The following CACNA1E variants were observed in gnomAD, a reference collection of about 807,000 sequenced individuals.
CACNA1E encodes voltage-dependent R-type calcium channel subunit alpha-1E.
CACNA1E carries 40 observed loss-of-function variants against 259.2 expected under a neutral mutation model. That is an observed-to-expected ratio of 0.15 (90% confidence interval 0.12 to 0.20). The LOEUF (loss-of-function observed/expected upper bound fraction) is 0.20. CACNA1E is among the 10% of genes least tolerant of loss of function. The pLI, the probability that CACNA1E is intolerant of heterozygous loss-of-function variation, is 1.00. For missense variants in CACNA1E, 1,874 were observed against 3,040.1 expected (o/e 0.62, Z 9.02); for synonymous variants, 1,104 against 1,138.5 (o/e 0.97, Z 0.61).
chr1:181,715,449 A>G, intron 9 of CACNA1E, 58 bp downstream of exon 9: 3 of 919,410 alleles, frequency 3.3e-6, no homozygotes, highest in Admixed American at 2.0e-5. Context: ...AGGCGATGGC[A>G]ATCTCTGTTA....
chr1:181,350,734 C>G (rs912695256), intron 1 of CACNA1E, among the ~76,000 whole-genome samples: 1 of 152,168 alleles, frequency 6.6e-6, no homozygotes, highest in East Asian at 1.9e-4. Context: ...ACTTGGAAAT[C>G]ATCAGAAATG....
intron 18 of CACNA1E, among the ~76,000 whole-genome samples, chr1:181,728,375 G>C (rs1403342278): frequency 6.6e-6 from 1 of 152,248 alleles, no homozygotes; most frequent in East Asian, 1.9e-4. Flanking sequence ...ATTGAGCAGA[G>C]TGTGCATCAG....
chr1:181,568,113 C>T (rs1572234504), intron 3 of CACNA1E, among the ~76,000 whole-genome samples: 1 of 152,162 alleles, frequency 6.6e-6, no homozygotes, highest in Non-Finnish European at 1.5e-5. Context: ...TCTGTTCTAA[C>T]TCAGGGGCCT....
chr1:181,719,787 A>G lies in CACNA1E; in HGVS notation c.1675A>G (p.Ile559Val). The G allele has an allele frequency of 6.2e-7, 1 of 1,605,516 alleles. No individual in the cohort carries two copies. Among genetic ancestry groups the G allele is most frequent in the Non-Finnish European group, 8.5e-7 (1 of 1,175,802 alleles). ...VGSIFEVVWA[I>V]FRPGTSFGIS... is the part of the protein sequence containing the mutation. Reference sequence around the variant, plus strand: ...CAGTATCTTTGAAGTGGTCTGGGCAATCTTCAGACCTGGTACGTCTTTTGG... The same window carrying G: ...CAGTATCTTTGAAGTGGTCTGGGCAGTCTTCAGACCTGGTACGTCTTTTGG... The change falls in exon 13 of 48, where the codon ATC becomes GTC. Residue 559 changes from isoleucine (I) to valine (V), a missense_variant. This residue lies in a region of CACNA1E where 102 missense variants were observed against 279.4 expected (regional missense o/e 0.37). Transcript: ENST00000367573.
At position 181,726,181 on chromosome 1, in the gene CACNA1E, TC is replaced by T; in HGVS notation, c.2240+20del. 6.4e-7 allele frequency: 1 copy of T among 1,574,116 alleles called. No homozygotes were observed. The highest frequency in any genetic ancestry group is 8.7e-7 in the Non-Finnish European group (1 of 1,147,942). ...CGATCGAGTGAGTCAGCTGCCCCCTTCACTGATCCCTGAGCTCCTGTGCTAA... is the reference window on the plus strand; with the variant it reads ...CGATCGAGTGAGTCAGCTGCCCCCTTACTGATCCCTGAGCTCCTGTGCTAA... On this transcript the variant is annotated intron_variant, in intron 18 of 47. Coordinates refer to ENST00000367573, the MANE Select transcript of CACNA1E (RefSeq NM_001205293.3).
chr1:181,496,852 T>C (rs1394496563), intron 1 of CACNA1E, among the ~76,000 whole-genome samples: 2 of 152,198 alleles, frequency 1.3e-5, no homozygotes, highest in Non-Finnish European at 2.9e-5. Context: ...TGTTTTTGCA[T>C]GGAAATTTGT....
Position 181,736,431 on chromosome 1 carries a change from A to C in CACNA1E, c.3419A>C (p.Asn1140Thr). ...HSSMFIFSTT[N>T]PIRRACHYIV... ...TCAATGTTCATCTTCAGCACCACCAACCCGTAAGCCACCCTCGCGTTGCTC... is the reference window on the plus strand; with the variant it reads ...TCAATGTTCATCTTCAGCACCACCACCCCGTAAGCCACCCTCGCGTTGCTC... The change falls in exon 22 of 48, where the codon AAC becomes ACC. Residue 1140 changes from asparagine to threonine, a missense_variant. Around this residue, in one of 14 missense-constraint regions of CACNA1E, gnomAD observed 56 missense variants for 97.4 expected, o/e 0.57. Coordinates refer to ENST00000367573, the MANE Select transcript of CACNA1E (RefSeq NM_001205293.3). 6.2e-7 allele frequency: 1 copy of C among 1,611,686 alleles called. No homozygotes were observed. The highest frequency in any genetic ancestry group is 8.5e-7 in the Non-Finnish European group (1 of 1,178,938).
intron 6 of CACNA1E, among the ~76,000 whole-genome samples, chr1:181,588,041 C>G (rs557914673): frequency 1.8e-4 from 28 of 152,320 alleles, no homozygotes; most frequent in Middle Eastern, 6.8e-3. Context: ...TCGCACTGCC[C>G]CCAGTGGAAG....
At chr1:181,599,114 A>C (rs1316737088) in intron 6 of CACNA1E, among the ~76,000 whole-genome samples, 16 of 136,706 alleles carry the variant, frequency 1.2e-4, no homozygotes, top group South Asian at 2.4e-4. Flanking sequence ...CCCCCTCCCC[A>C]CTCTTGCCCT....
At chr1:181,336,834 G>A (rs1407400526) in intron 1 of CACNA1E, among the ~76,000 whole-genome samples, 1 of 151,844 alleles carries the variant, frequency 6.6e-6, no homozygotes, top group African/African-American at 2.4e-5. Flanking sequence ...TTGTGCTTTT[G>A]TGATCAGCTT....
chr1:181,758,321 T>C lies in CACNA1E; in HGVS notation c.4494+210T>C, dbSNP rs1205232628. ...AATGCAGTGCAGACTATAGTAGCCA[T>C]CCAGGGGCTCCCAAGACCTGAGATG... is the stretch of plus-strand genomic sequence containing the variant. On this transcript the variant is annotated intron_variant, in intron 31 of 47. Coordinates refer to ENST00000367573, the MANE Select transcript of CACNA1E (RefSeq NM_001205293.3). This position sits in a 1 kb window ranked among gnomAD's most constrained non-coding sequence, Gnocchi z 4.2. 6.6e-6 allele frequency among the ~76,000 whole-genome samples: 1 copy of C among 152,146 alleles called. No individual in the cohort carries two copies. The highest frequency in any genetic ancestry group is 1.5e-5 in the Non-Finnish European group (1 of 68,012).
chr1:181,526,086 T>A (rs549531319), intron 3 of CACNA1E, among the ~76,000 whole-genome samples: 1 of 152,194 alleles, frequency 6.6e-6, no homozygotes, highest in East Asian at 1.9e-4. Context: ...AGGGGAAGAA[T>A]GGAAAGGAGA....
chr1:181,789,217 G>C (rs2102863342), intron 43 of CACNA1E, among the ~76,000 whole-genome samples: 1 of 152,304 alleles, frequency 6.6e-6, no homozygotes, highest in South Asian at 2.1e-4. Context: ...GTGGTTCTCA[G>C]GAGATGCCAC....
intron 2 of CACNA1E, among the ~76,000 whole-genome samples, chr1:181,449,686 T>C (rs1322171045): frequency 6.6e-6 from 1 of 152,250 alleles, no homozygotes; most frequent in African/African-American, 2.4e-5. Context: ...CTGGGGCTTC[T>C]TTCTGTTGCA....
chr1:181,391,189 T>C (rs897628380), intron 1 of CACNA1E, among the ~76,000 whole-genome samples: 13 of 152,334 alleles, frequency 8.5e-5, no homozygotes, highest in East Asian at 5.8e-4. Flanking sequence ...AAGCCTCACC[T>C]AAGGGTGGTT....
chr1:181,343,126 T>TG (rs1392881984), intron 1 of CACNA1E, among the ~76,000 whole-genome samples: 3 of 151,920 alleles, frequency 2.0e-5, no homozygotes, highest in Non-Finnish European at 1.5e-5. Flanking sequence ...TCCTGGAACT[T>TG]GGCTTGAGCA....
intron 1 of CACNA1E, among the ~76,000 whole-genome samples, chr1:181,338,360 C>T (rs1018572619): frequency 1.3e-5 from 2 of 152,178 alleles, no homozygotes; most frequent in Non-Finnish European, 2.9e-5. Flanking sequence ...GCTGGGATTA[C>T]AGGAGTGAGC....
At chr1:181,479,683 T>C (rs2102446941), upstream of CACNA1E, among the ~76,000 whole-genome samples, 1 of 152,318 alleles carries the variant, frequency 6.6e-6, no homozygotes, top group South Asian at 2.1e-4. Flanking sequence ...GCATAGCATT[T>C]CCATAGGCTT....
intron 17 of CACNA1E, 69 bp downstream of exon 17, chr1:181,724,606 C>G: frequency 7.7e-7 from 1 of 1,297,224 alleles, no homozygotes; most frequent in Non-Finnish European, 1.1e-6. Context: ...CTTTGGAACT[C>G]TCTCCCAAAG....
Sources: gnomAD v4.1 joint callset for allele counts (sites outside exome capture counted in the v4.1 genomes callset) on GRCh38, gnomAD v4.1.1 for gene constraint, gnomAD v4.1.1 regional missense constraint, Gnocchi (gnomAD v3.1) non-coding constraint, MANE v1.5 for transcripts, NCBI Gene and HGNC (gene_info 2026-07-23, HGNC 2026-07-21) for gene names.